MSRA: variants seen among roughly 807,000 people sequenced by gnomAD.
MSRA encodes the protein mitochondrial peptide methionine sulfoxide reductase.
Under a neutral mutation model 31.3 loss-of-function variants are expected in MSRA, and 54 were observed. That is an observed-to-expected ratio of 1.73 (90% CI 1.39 to 2.17). The LOEUF (loss-of-function observed/expected upper bound fraction) is 2.17. MSRA is among the 30% of genes most tolerant of loss of function. MSRA has a pLI of 0.00. For missense variants in MSRA, 507 were observed against 300.9 expected, an observed-to-expected ratio of 1.69 and a Z score of -5.07; for synonymous variants, 169 against 116.5, an observed-to-expected ratio of 1.45 and a Z score of -2.90.
At chr8:10,189,769 A>G (rs1380296578) in intron 1 of MSRA, among the ~76,000 whole-genome samples, 1 of 152,176 alleles carries the variant, frequency 6.6e-6, no homozygotes, top group Non-Finnish European at 1.5e-5. Context: ...GTGTTCATAA[A>G]GGGGATCTGT....
intron 4 of MSRA, among the ~76,000 whole-genome samples, chr8:10,302,447 A>G (rs772771306): frequency 6.6e-6 from 1 of 152,218 alleles, no homozygotes; most frequent in Non-Finnish European, 1.5e-5. Flanking sequence ...ATTTCACCAA[A>G]GTATTTTCTC....
chr8:10,074,993 G>C (rs554596867), intron 1 of MSRA, among the ~76,000 whole-genome samples: 15 of 152,220 alleles, frequency 9.9e-5, no homozygotes, highest in African/African-American at 3.4e-4. Context: ...CCATGCTTCT[G>C]TTTACCCATT....
At chr8:10,333,182 C>T (rs1056074243) in intron 5 of MSRA, among the ~76,000 whole-genome samples, 1 of 152,180 alleles carries the variant, frequency 6.6e-6, no homozygotes, top group Admixed American at 6.5e-5. Flanking sequence ...TCACATTTCT[C>T]CACGGGCCAC....
intron 1 of MSRA, among the ~76,000 whole-genome samples, chr8:10,131,921 G>A (rs1020340637): frequency 3.9e-5 from 6 of 152,166 alleles, no homozygotes; most frequent in Admixed American, 2.0e-4. Context: ...GGAAAAACCA[G>A]TTATACCAAA....
chr8:10,256,093 C>T (rs575218332), intron 3 of MSRA, among the ~76,000 whole-genome samples: 7 of 152,198 alleles, frequency 4.6e-5, no homozygotes, highest in East Asian at 3.9e-4. Context: ...AGAGTAATTT[C>T]ACTGCCCTAA....
At chr8:10,375,223 C>T (rs144115299) in intron 5 of MSRA, among the ~76,000 whole-genome samples, 1 of 152,216 alleles carries the variant, frequency 6.6e-6, no homozygotes, top group Non-Finnish European at 1.5e-5. Context: ...ATCTTCCATC[C>T]TCCCCATCTC....
intron 5 of MSRA, among the ~76,000 whole-genome samples, chr8:10,413,563 T>C (rs933960735): frequency 6.7e-6 from 1 of 149,438 alleles, no homozygotes; most frequent in Non-Finnish European, 1.5e-5. Flanking sequence ...TCTGCTGTTA[T>C]AAAGGTGCAC....
At chr8:10,131,656 C>T (rs977084690) in intron 1 of MSRA, among the ~76,000 whole-genome samples, 1 of 152,166 alleles carries the variant, frequency 6.6e-6, no homozygotes. Flanking sequence ...ATTTCTATCC[C>T]TGGGAAGCTC....
intron 5 of MSRA, among the ~76,000 whole-genome samples, chr8:10,349,843 G>C (rs551296283): frequency 2.0e-5 from 3 of 152,332 alleles, no homozygotes; most frequent in African/African-American, 4.8e-5. Context: ...CCTGAGTTCT[G>C]TCTGTGAGGC....
chr8:10,192,461 C>T (rs796600619), intron 1 of MSRA, among the ~76,000 whole-genome samples: 1 of 152,180 alleles, frequency 6.6e-6, no homozygotes, highest in Admixed American at 6.5e-5. Flanking sequence ...CAGAAACACC[C>T]AGCTTCCTAT....
chr8:10,303,100 A>G (rs895052121), intron 4 of MSRA, among the ~76,000 whole-genome samples: 3 of 152,232 alleles, frequency 2.0e-5, no homozygotes, highest in African/African-American at 7.2e-5. Flanking sequence ...TCAGAGGAAG[A>G]TGATAAGAGC....
At chr8:10,248,569 G>A (rs1299721774) in intron 3 of MSRA, among the ~76,000 whole-genome samples, 4 of 152,224 alleles carry the variant, frequency 2.6e-5, no homozygotes, top group East Asian at 1.9e-4. Flanking sequence ...AGAAGTGAGC[G>A]AGAGAGTGTG....
At chr8:10,367,527 G>A (rs1805236728) in intron 5 of MSRA, among the ~76,000 whole-genome samples, 1 of 152,182 alleles carries the variant, frequency 6.6e-6, no homozygotes, top group Admixed American at 6.5e-5. Flanking sequence ...ACATCCTCGT[G>A]TGCTAGTCAC....
At chr8:10,127,314 C>G (rs568065689) in intron 1 of MSRA, among the ~76,000 whole-genome samples, 1 of 152,244 alleles carries the variant, frequency 6.6e-6, no homozygotes, top group African/African-American at 2.4e-5. Flanking sequence ...ATTGCAACCT[C>G]AGGCATAAAT....
chr8:10,277,101 T>G (rs746512968), intron 3 of MSRA, among the ~76,000 whole-genome samples: 2 of 152,164 alleles, frequency 1.3e-5, no homozygotes, highest in Non-Finnish European at 2.9e-5. Flanking sequence ...CAGCAGTGGA[T>G]TATAGTGGAA....
chr8:10,078,417 G>GGA (rs776372861), intron 1 of MSRA, among the ~76,000 whole-genome samples: 4 of 152,180 alleles, frequency 2.6e-5, no homozygotes, highest in Non-Finnish European at 5.9e-5. Context: ...GGCTCACTGG[G>GGA]GACCCTTGGC....
intron 2 of MSRA, among the ~76,000 whole-genome samples, chr8:10,237,074 A>G (rs1316530001): frequency 1.3e-5 from 2 of 152,258 alleles, no homozygotes; most frequent in Non-Finnish European, 2.9e-5. Context: ...TGAGTTATTC[A>G]CACTAAAATC....
intron 5 of MSRA, among the ~76,000 whole-genome samples, chr8:10,410,162 C>T (rs767084480): frequency 6.6e-6 from 1 of 152,224 alleles, no homozygotes; most frequent in African/African-American, 2.4e-5. Flanking sequence ...ATGGTCCCAT[C>T]CGTTGCTGTG....
chr8:10,245,772 G>C (rs1426979285), intron 3 of MSRA, among the ~76,000 whole-genome samples: 2 of 152,228 alleles, frequency 1.3e-5, no homozygotes, highest in African/African-American at 2.4e-5. Context: ...GAGAGGATGA[G>C]GCCCATTCTC....
Sources: gnomAD v4.1 joint callset for allele counts (sites outside exome capture counted in the v4.1 genomes callset) on GRCh38, gnomAD v4.1.1 for gene constraint, MANE v1.5 for transcripts, NCBI Gene and HGNC (gene_info 2026-07-23, HGNC 2026-07-21) for gene names.